Variants in NCALD observed in about 807,000 individuals in gnomAD.
NCALD encodes the protein neurocalcin-delta.
In NCALD, 10 loss-of-function variants were observed where a neutral mutation model predicts 18.6. The ratio of observed to expected loss-of-function variants is 0.54; its 90% CI spans 0.33 to 0.91. NCALD has a LOEUF of 0.91. Ranked by LOEUF, NCALD falls within the 40% of genes least tolerant of loss-of-function variation. The probability of loss-of-function intolerance (pLI) is 0.03; values close to 1 mark genes in which losing one functional copy is unlikely to be tolerated. For synonymous variants in NCALD, 88 were observed against 87.4 expected (o/e 1.01, Z -0.04); for missense variants, 184 against 247.6 (o/e 0.74, Z 1.72).
chr8:101,971,951 GC>G (rs1288095246), intron 2 of NCALD, among the ~76,000 whole-genome samples: 1 of 152,138 alleles, frequency 6.6e-6, no homozygotes, highest in Non-Finnish European at 1.5e-5. Flanking sequence ...AGAAAGTCAT[GC>G]CATCTTCTGC....
At chr8:101,769,452 AC>A (rs1015466849) in intron 1 of NCALD, among the ~76,000 whole-genome samples, 23 of 152,122 alleles carry the variant, frequency 1.5e-4, no homozygotes, top group African/African-American at 5.3e-4. Context: ...AAGTGAACAT[AC>A]TCTAGATATT....
intron 1 of NCALD, among the ~76,000 whole-genome samples, chr8:102,048,652 T>C (rs983590089): frequency 3.9e-5 from 6 of 152,234 alleles, no homozygotes; most frequent in Non-Finnish European, 7.4e-5. Flanking sequence ...GACATGTATA[T>C]GTGTGTGTGT....
Position 101,780,177 on chromosome 8 carries a change from A to G in NCALD, c.-20+10685T>C, listed in dbSNP as rs1019006981. The stretch of plus-strand genomic sequence containing the variant: ...AAATGAATATGAATAGAAGACTAAC[A>G]TAAGACTATCTGGGTATATTACTAG... On this transcript the variant is annotated intron_variant, in intron 1 of 3. Transcript: ENST00000220931. Among the ~76,000 whole-genome samples, 31 of 152,190 alleles carry G rather than the reference A, an allele frequency of 2.0e-4. 5 individuals carry two copies. The highest frequency in any genetic ancestry group is 1.8e-3 in the Admixed American group (28 of 15,270).
chr8:101,972,286 A>G (rs922954985), intron 2 of NCALD, among the ~76,000 whole-genome samples: 7 of 152,232 alleles, frequency 4.6e-5, no homozygotes, highest in African/African-American at 1.7e-4. Context: ...GGTCAGGCAC[A>G]GTTGGACTCT....
chr8:102,000,043 C>G (rs1821391171), intron 2 of NCALD, among the ~76,000 whole-genome samples: 1 of 151,950 alleles, frequency 6.6e-6, no homozygotes, highest in South Asian at 2.1e-4. Flanking sequence ...GGGTGCAGGA[C>G]AGTGGGTCCA....
At chr8:101,907,859 G>C (rs1048350609) in intron 3 of NCALD, among the ~76,000 whole-genome samples, 6 of 152,162 alleles carry the variant, frequency 3.9e-5, no homozygotes, top group Non-Finnish European at 8.8e-5. Flanking sequence ...TAAAATACTT[G>C]AATGTGTAAA....
intron 2 of NCALD, among the ~76,000 whole-genome samples, chr8:102,003,906 A>T (rs1248749229): frequency 6.6e-6 from 1 of 152,122 alleles, no homozygotes; most frequent in East Asian, 1.9e-4. Flanking sequence ...TTTATGACAA[A>T]CGCACAGCCA....
intron 2 of NCALD, among the ~76,000 whole-genome samples, chr8:101,979,855 A>G (rs973350394): frequency 6.6e-6 from 1 of 152,230 alleles, no homozygotes; most frequent in African/African-American, 2.4e-5. Flanking sequence ...CGACTTTCCC[A>G]GCCAGTCTAG....
intron 4 of NCALD, among the ~76,000 whole-genome samples, chr8:101,811,692 G>A (rs1813310722): frequency 1.3e-5 from 2 of 152,186 alleles, no homozygotes; most frequent in Non-Finnish European, 2.9e-5. Flanking sequence ...GCAAAGTGCT[G>A]TGGGGCCTCA....
intron 1 of NCALD, among the ~76,000 whole-genome samples, chr8:101,720,295 C>T (rs540743379): frequency 6.6e-6 from 1 of 152,264 alleles, no homozygotes; most frequent in South Asian, 2.1e-4. Flanking sequence ...AAAGATGATG[C>T]TTCATAAAGT....
At chr8:101,789,311 T>C (rs1290256601) in intron 1 of NCALD, among the ~76,000 whole-genome samples, 2 of 152,140 alleles carry the variant, frequency 1.3e-5, no homozygotes, top group Non-Finnish European at 2.9e-5. Context: ...TTGAGATCAA[T>C]TAAGTGATGA....
At chr8:101,947,931 T>C (rs1819240904) in intron 2 of NCALD, among the ~76,000 whole-genome samples, 1 of 152,226 alleles carries the variant, frequency 6.6e-6, no homozygotes, top group South Asian at 2.1e-4. Context: ...TGAAAGAAGT[T>C]TACAATGGCT....
At chr8:102,064,966 A>G (rs1823957094) in intron 1 of NCALD, among the ~76,000 whole-genome samples, 1 of 144,424 alleles carries the variant, frequency 6.9e-6, no homozygotes, top group Non-Finnish European at 1.5e-5. Flanking sequence ...AGTGGAGTCC[A>G]GCCTACAATA....
intron 4 of NCALD, among the ~76,000 whole-genome samples, chr8:101,811,094 C>T (rs1165210018): frequency 6.6e-6 from 1 of 152,132 alleles, no homozygotes; most frequent in South Asian, 2.1e-4. Flanking sequence ...CAGATTCATG[C>T]TCCCCTGTAC....
chr8:101,975,877 TTCTAC>T (rs1820403557), intron 2 of NCALD, among the ~76,000 whole-genome samples: 1 of 152,186 alleles, frequency 6.6e-6, no homozygotes, highest in Admixed American at 6.5e-5. Context: ...CTCCAACCTA[TTCTAC>T]CCTGCTCTGG....
intron 3 of NCALD, among the ~76,000 whole-genome samples, chr8:101,888,395 T>TTTTA (rs1180750395): frequency 4.5e-4 from 68 of 151,612 alleles, no homozygotes; most frequent in South Asian, 3.1e-3. Context: ...GGACTTTCTT[T>TTTTA]TTTATTTATT....
intron 3 of NCALD, among the ~76,000 whole-genome samples, chr8:101,894,253 T>C (rs1294127452): frequency 3.2e-5 from 4 of 126,780 alleles, no homozygotes; most frequent in Non-Finnish European, 6.3e-5. Flanking sequence ...AACCTGCTCC[T>C]GAATGACTAC....
intron 1 of NCALD, among the ~76,000 whole-genome samples, chr8:101,754,755 A>G (rs947710463): frequency 6.6e-6 from 1 of 152,194 alleles, no homozygotes; most frequent in African/African-American, 2.4e-5. Flanking sequence ...CCAGGTAGTG[A>G]CAGAGGTACA....
At position 102,001,043 on chromosome 8, in the gene NCALD, A is replaced by T. The variant is rs150137578; in HGVS notation, c.-157+19194T>A. Among the ~76,000 whole-genome samples, 1,462 of 152,350 alleles carry T rather than the reference A, an allele frequency of 9.6e-3. 24 individuals carry two copies. Among genetic ancestry groups the T allele is most frequent in the African/African-American group, 0.03 (1,244 of 41,572 alleles). On this transcript the variant is annotated intron_variant, in intron 2 of 6. Transcript: ENST00000311028. Reference sequence around the variant, plus strand: ...CAGACGGAGAATGACTTTGATGAGTAGAGAGAAGAAGGCTTCAGATGATCA... The same window carrying T: ...CAGACGGAGAATGACTTTGATGAGTTGAGAGAAGAAGGCTTCAGATGATCA...
Sources: allele counts gnomAD v4.1 joint callset (sites outside exome capture counted in the v4.1 genomes callset), GRCh38; gene constraint gnomAD v4.1.1; transcripts MANE v1.5; gene names NCBI Gene and HGNC (gene_info 2026-07-23, HGNC 2026-07-21).